UGGT2: variants seen among roughly 807,000 people sequenced by gnomAD.
The protein encoded by UGGT2 is UDP-glucose glycoprotein glucosyltransferase 2, also known as UDP-glucose:glycoprotein glucosyltransferase 2.
Under a neutral mutation model 192.1 loss-of-function variants are expected in UGGT2, and 180 were observed. That is an observed-to-expected ratio of 0.94 (90% CI 0.83 to 1.06). The LOEUF is 1.06. Among genes scored for constraint, UGGT2 ranks in the 50% least tolerant of loss-of-function variants. The pLI is 0.00. For missense variants in UGGT2, 1,849 were observed against 1,795.7 expected (o/e 1.03, Z -0.54); for synonymous variants, 580 against 591.0 (o/e 0.98, Z 0.27).
chr13:96,039,017 A>G (rs2053088526), intron 1 of UGGT2, among the ~76,000 whole-genome samples: 1 of 152,126 alleles, frequency 6.6e-6, no homozygotes, highest in African/African-American at 2.4e-5. Flanking sequence ...TAGGATGGAC[A>G]CTCTAATTCC....
chr13:95,999,700 T>G (rs2051737090), intron 5 of UGGT2, among the ~76,000 whole-genome samples: 1 of 152,184 alleles, frequency 6.6e-6, no homozygotes, highest in Non-Finnish European at 1.5e-5. Flanking sequence ...AAAATCCTCT[T>G]CACTTGCTGG....
At position 95,867,427 on chromosome 13, in the gene UGGT2, A is replaced by G; in HGVS notation, c.3474-4T>C. 1.3e-6 allele frequency: 2 copies of G among 1,599,920 alleles called. No homozygotes were observed. The highest frequency in any genetic ancestry group is 1.7e-6 in the Non-Finnish European group (2 of 1,174,732). On this transcript the variant is annotated splice_polypyrimidine_tract_variant and splice_region_variant and intron_variant, in intron 29 of 38. Transcript: ENST00000376747. ...TTGAGAGTCAGTTCCTTCATGCCTA[A>G]AAGTAGAAAAATGTGTCCATAATTA...
intron 20 of UGGT2, among the ~76,000 whole-genome samples, chr13:95,907,254 G>A (rs57924129): frequency 0.37 from 55,525 of 152,104 alleles, 10,475 homozygotes; most frequent in Middle Eastern, 0.42. Context: ...AAAGCGGCTG[G>A]GAAGCTCGAA....
In UGGT2 at chr13:95,867,395, G is replaced by C. The variant is rs368385741; in HGVS notation, c.3502C>G (p.Leu1168Val). The change falls in exon 30 of 39, where the codon CTA becomes GTA. Residue 1168 changes from leucine (L) to valine (V), a missense_variant. By Grantham distance (32) the Leu-to-Val change is conservative (BLOSUM62 1). Coordinates refer to ENST00000376747, the MANE Select transcript of UGGT2 (RefSeq NM_020121.4). The part of the protein sequence containing the change: ...GHEGTDSQAD[L>V]EDIIVVLNSF... ...TTTAATACAACAATGATATCTTCTA[G>C]GTCTGCTTGAGAGTCAGTTCCTTCA... The C allele has an allele frequency of 1.0e-3, 1,674 of 1,608,168 alleles. 34 individuals carry two copies. In the South Asian group the frequency reaches 0.017, roughly 16 times the overall value.
intron 12 of UGGT2, among the ~76,000 whole-genome samples, chr13:95,966,510 T>C (rs1456602558): frequency 6.6e-6 from 1 of 152,098 alleles, no homozygotes; most frequent in Non-Finnish European, 1.5e-5. Flanking sequence ...TGACTATAGT[T>C]AGCAGCAATA....
intron 1 of UGGT2, among the ~76,000 whole-genome samples, chr13:96,032,933 G>T (rs931665499): frequency 9.9e-5 from 15 of 152,142 alleles, no homozygotes; most frequent in African/African-American, 3.6e-4. Context: ...TCAACACTGG[G>T]CAAGGCTTAA....
intron 17 of UGGT2, among the ~76,000 whole-genome samples, chr13:95,927,872 C>G (rs61972928): frequency 0.025 from 3,866 of 152,118 alleles, 58 homozygotes; most frequent in Non-Finnish European, 0.034. Context: ...TGACTCTTAA[C>G]GAACATGCTG....
chr13:95,801,649 TAATTAC>T lies in UGGT2; in HGVS notation c.*135_*140del. 1 of 745,908 alleles carries T rather than the reference TAATTAC, an allele frequency of 1.3e-6. No homozygotes were observed. The highest frequency in any genetic ancestry group is 2.2e-5 in the South Asian group (1 of 46,186). 46.2% of individuals were successfully genotyped at this position (745,908 alleles called of 1,614,324 possible). A position where few individuals can be genotyped will look rare whatever the true frequency, so the allele number is the denominator to read the frequency against. ...CAATACATTAAATAACTGTTTTAAATAATTACAATTTTTTAAAATTAAAGAATATGT... is the reference window on the plus strand; with the variant it reads ...CAATACATTAAATAACTGTTTTAAATAATTTTTTAAAATTAAAGAATATGT... On this transcript the variant is annotated 3_prime_UTR_variant, in exon 39 of 39. Coordinates refer to ENST00000376747, the MANE Select transcript of UGGT2 (RefSeq NM_020121.4).
rs1362535618 is a variant in UGGT2, at chr13:95,903,018, T to C, written c.2338A>G (p.Thr780Ala). ...HSRLGIIYNPTSKINEENTAI... is the reference protein window; with the variant it reads ...HSRLGIIYNPASKINEENTAI... ...GTGTTCTCTTCATTTATTTTTGATG[T>C]AGGATTATAAATAATCCCCAACCGA... The change falls in exon 21 of 39, where the codon ACA becomes GCA. Residue 780 changes from threonine to alanine, a missense_variant. Coordinates refer to ENST00000376747, the MANE Select transcript of UGGT2 (RefSeq NM_020121.4). The C allele has an allele frequency of 6.2e-7, 1 of 1,613,018 alleles. No individual in the cohort carries two copies. The highest frequency in any genetic ancestry group is 1.3e-5 in the African/African-American group (1 of 75,018).
At chr13:95,974,728 CATG>C (rs1340272389) in intron 10 of UGGT2, among the ~76,000 whole-genome samples, 1 of 152,190 alleles carries the variant, frequency 6.6e-6, no homozygotes, top group African/African-American at 2.4e-5. Context: ...TTTCTAGCAA[CATG>C]ATGAACCAAA....
intron 16 of UGGT2, among the ~76,000 whole-genome samples, chr13:95,938,220 C>T (rs1445820991): frequency 6.6e-6 from 1 of 152,160 alleles, no homozygotes; most frequent in South Asian, 2.1e-4. Flanking sequence ...TGGACTAATA[C>T]AGCAGTGTTT....
intron 12 of UGGT2, among the ~76,000 whole-genome samples, chr13:95,963,489 A>G (rs1386451974): frequency 6.6e-6 from 1 of 152,152 alleles, no homozygotes; most frequent in African/African-American, 2.4e-5. Flanking sequence ...GCAACAAGAC[A>G]AGGATGCCCA....
intron 1 of UGGT2, among the ~76,000 whole-genome samples, chr13:96,048,899 A>G (rs2053401468): frequency 6.6e-6 from 1 of 152,228 alleles, no homozygotes; most frequent in African/African-American, 2.4e-5. Flanking sequence ...ATTGTACCAA[A>G]GGTACAAAGA....
At chr13:95,901,729 AT>A (rs1208826522) in intron 21 of UGGT2, among the ~76,000 whole-genome samples, 1 of 152,102 alleles carries the variant, frequency 6.6e-6, no homozygotes, top group Admixed American at 6.6e-5. Flanking sequence ...TGAATTTAAA[AT>A]CTTATTTAAG....
chr13:95,849,068 G>C (rs1327986638), intron 36 of UGGT2, among the ~76,000 whole-genome samples: 1 of 151,918 alleles, frequency 6.6e-6, no homozygotes, highest in Non-Finnish European at 1.5e-5. Flanking sequence ...AATTCCACTT[G>C]TTTATTGTTG....
intron 12 of UGGT2, among the ~76,000 whole-genome samples, chr13:95,950,517 T>C (rs1566745495): frequency 6.7e-6 from 1 of 149,262 alleles, no homozygotes; most frequent in Non-Finnish European, 1.5e-5. Context: ...TTCTACAGCT[T>C]TTCATCAATT....
At chr13:95,955,763 C>A (rs1166589419) in intron 12 of UGGT2, among the ~76,000 whole-genome samples, 1 of 152,086 alleles carries the variant, frequency 6.6e-6, no homozygotes, top group Non-Finnish European at 1.5e-5. Flanking sequence ...TATTATTGTT[C>A]ATTTTTTGTG....
In UGGT2 at chr13:95,881,536, T is replaced by C. The variant is rs190091811; in HGVS notation, c.3228+2955A>G. Among the ~76,000 whole-genome samples the C allele has an allele frequency of 1.4e-3, 203 of 146,704 alleles. 2 individuals are homozygous for C. In the Middle Eastern group the frequency reaches 0.014, roughly 10 times the overall value. On this transcript the variant is annotated intron_variant, in intron 27 of 38. Transcript: ENST00000376747. Reference sequence around the variant, plus strand: ...ATAATACAGTATTATTTAGGATCTATAGCATACCTCTGGCAATCAAACAAA... The same window carrying C: ...ATAATACAGTATTATTTAGGATCTACAGCATACCTCTGGCAATCAAACAAA...
intron 21 of UGGT2, 49 bp downstream of exon 21, chr13:95,902,805 T>C (rs759834899): frequency 1.3e-6 from 2 of 1,541,870 alleles, no homozygotes; most frequent in Non-Finnish European, 1.8e-6. Context: ...CACTCACACT[T>C]TTAAAATATG....
Sources: gnomAD v4.1 joint callset for allele counts (sites outside exome capture counted in the v4.1 genomes callset) on GRCh38, gnomAD v4.1.1 for gene constraint, MANE v1.5 for transcripts, NCBI Gene and HGNC (gene_info 2026-07-23, HGNC 2026-07-21) for gene names.